The following TSGA10 variants were observed in gnomAD, a reference collection of about 807,000 sequenced individuals.
TSGA10 encodes the protein testis-specific gene 10 protein.
Under a neutral mutation model 96.6 loss-of-function variants are expected in TSGA10, and 43 were observed. The observed-to-expected ratio is 0.44, with a 90% CI of 0.35 to 0.57. The LOEUF (loss-of-function observed/expected upper bound fraction) is 0.57, where lower values mean the gene tolerates loss of function less well. Ranked by LOEUF, TSGA10 falls within the 20% of genes least tolerant of loss-of-function variation. The probability of loss-of-function intolerance (pLI) is 0.01; values close to 1 mark genes in which losing one functional copy is unlikely to be tolerated. For missense variants in TSGA10, 703 were observed against 834.4 expected (o/e 0.84, Z 1.94); for synonymous variants, 229 against 269.9 (o/e 0.85, Z 1.48).
At chr2:99,009,891 C>A (rs1258492854) in intron 20 of TSGA10, among the ~76,000 whole-genome samples, 1 of 152,004 alleles carries the variant, frequency 6.6e-6, no homozygotes, top group African/African-American at 2.4e-5. Context: ...AGCACATGAG[C>A]CACCACATGT....
At chr2:99,076,193 T>C (rs780395383) in intron 12 of TSGA10, among the ~76,000 whole-genome samples, 3 of 152,202 alleles carry the variant, frequency 2.0e-5, no homozygotes, top group Non-Finnish European at 2.9e-5. Flanking sequence ...CCTTCATACA[T>C]AGGAACTATC....
At chr2:99,108,053 T>C (rs1017398566) in intron 7 of TSGA10, among the ~76,000 whole-genome samples, 1 of 152,200 alleles carries the variant, frequency 6.6e-6, no homozygotes, top group African/African-American at 2.4e-5. Flanking sequence ...ACTCCATTCA[T>C]TTTTCAGGGC....
At chr2:99,040,813 T>C (rs2082116413) in intron 16 of TSGA10, among the ~76,000 whole-genome samples, 1 of 151,644 alleles carries the variant, frequency 6.6e-6, no homozygotes, top group Non-Finnish European at 1.5e-5. Context: ...AGAGCCAGCA[T>C]ACTGTAGAAA....
chr2:99,030,806 C>T (rs1173850948), intron 17 of TSGA10, among the ~76,000 whole-genome samples: 1 of 152,022 alleles, frequency 6.6e-6, no homozygotes, highest in Non-Finnish European at 1.5e-5. Flanking sequence ...CAAACATGTA[C>T]AGAACTTGCA....
At chr2:99,126,047 G>A (rs1399070048) in intron 2 of TSGA10, 1 of 152,352 alleles carries the variant, frequency 6.6e-6, no homozygotes, top group Non-Finnish European at 1.5e-5. Flanking sequence ...CCCTGGTGAG[G>A]ATAAAAGTCC....
chr2:99,127,208 C>A (rs1296837540), intron 1 of TSGA10, 32 bp from the exon 2 acceptor site: 2 of 1,239,800 alleles, frequency 1.6e-6, no homozygotes, highest in Admixed American at 3.0e-5. Context: ...AATACAGAGG[C>A]ATTCAGTTTA....
At chr2:99,028,799 G>A (rs755427077) in intron 17 of TSGA10, among the ~76,000 whole-genome samples, 2 of 151,990 alleles carry the variant, frequency 1.3e-5, no homozygotes, top group East Asian at 1.9e-4. Context: ...TTTTGTTTTC[G>A]TGATGTTTCC....
chr2:99,085,057 C>G (rs1334678680), intron 10 of TSGA10, among the ~76,000 whole-genome samples: 1 of 151,188 alleles, frequency 6.6e-6, no homozygotes, highest in African/African-American at 2.4e-5. Flanking sequence ...TGAGAACAGC[C>G]TGAACATGGT....
intron 16 of TSGA10, among the ~76,000 whole-genome samples, chr2:99,059,615 G>A (rs2084432239): frequency 6.6e-6 from 1 of 151,964 alleles, no homozygotes; most frequent in Non-Finnish European, 1.5e-5. Context: ...CACCAGCCTG[G>A]GCGACAGAGC....
chr2:99,051,642 T>A (rs573713170), intron 16 of TSGA10, among the ~76,000 whole-genome samples: 5 of 152,204 alleles, frequency 3.3e-5, no homozygotes, highest in Non-Finnish European at 7.4e-5. Context: ...CTAGAAGACA[T>A]CTATAGATCA....
intron 18 of TSGA10, 32 bp downstream of exon 18, chr2:99,020,248 A>G: frequency 1.9e-6 from 3 of 1,577,666 alleles, no homozygotes; most frequent in Non-Finnish European, 2.6e-6. Flanking sequence ...ATTAAGATGT[A>G]TGACTTTACT....
chr2:99,031,422 C>A (rs2081124509), intron 17 of TSGA10, among the ~76,000 whole-genome samples: 1 of 151,146 alleles, frequency 6.6e-6, no homozygotes, highest in East Asian at 1.9e-4. Context: ...GTAGGAAAAT[C>A]TTTGAGATTT....
chr2:99,043,381 C>T (rs2082400849), intron 16 of TSGA10, among the ~76,000 whole-genome samples: 1 of 151,858 alleles, frequency 6.6e-6, no homozygotes, highest in Non-Finnish European at 1.5e-5. Flanking sequence ...GAACAAACCT[C>T]CGAAAAATAT....
intron 20 of TSGA10, among the ~76,000 whole-genome samples, chr2:99,006,830 A>C (rs2078524115): frequency 6.6e-6 from 1 of 152,372 alleles, no homozygotes; most frequent in East Asian, 1.9e-4. Context: ...ATGCTATTAC[A>C]AAGACACATG....
intron 14 of TSGA10, among the ~76,000 whole-genome samples, chr2:99,070,871 A>G (rs1309081962): frequency 6.6e-6 from 1 of 152,138 alleles, no homozygotes; most frequent in Non-Finnish European, 1.5e-5. Context: ...ACAATTAATA[A>G]GCCAATATTG....
chr2:99,058,734 G>A (rs979637606), intron 16 of TSGA10, among the ~76,000 whole-genome samples: 4 of 152,128 alleles, frequency 2.6e-5, no homozygotes, highest in Admixed American at 2.6e-4. Context: ...TTACCAAAAT[G>A]ACCTAAGAAA....
chr2:99,101,995 A>G, intron 10 of TSGA10: 2 of 1,051,280 alleles, frequency 1.9e-6, no homozygotes, highest in African/African-American at 3.1e-5. Context: ...ACAATACCGG[A>G]TTATACACTT....
chr2:99,102,459 T>C, intron 10 of TSGA10: 1 of 1,613,878 alleles, frequency 6.2e-7, no homozygotes, highest in Non-Finnish European at 8.5e-7. Context: ...TGGACAGAAA[T>C]CCTTGGTAGC....
chr2:99,005,636 T>G (rs1195166630), intron 20 of TSGA10, among the ~76,000 whole-genome samples: 2 of 152,012 alleles, frequency 1.3e-5, no homozygotes, highest in African/African-American at 4.8e-5. Flanking sequence ...CTCAATGAAA[T>G]AAAAGAGGAT....
Sources: allele counts gnomAD v4.1 joint callset (sites outside exome capture counted in the v4.1 genomes callset), GRCh38; gene constraint gnomAD v4.1.1; transcripts MANE v1.5; gene names NCBI Gene and HGNC (gene_info 2026-07-23, HGNC 2026-07-21).